ZNF519: variants seen among roughly 807,000 people sequenced by gnomAD.
The protein encoded by ZNF519 is zinc finger protein 519, also known as similar to Zinc finger protein 85 (Zinc finger protein HPF4) (HTF1).
ZNF519 carries 7 observed loss-of-function variants against 7.4 expected under a neutral mutation model. The observed-to-expected ratio is 0.94, with a 90% CI of 0.54 to 1.77. The LOEUF (loss-of-function observed/expected upper bound fraction) is 1.77, where lower values mean the gene tolerates loss of function less well. Among genes scored for constraint, ZNF519 ranks in the 40% most tolerant of loss-of-function variants. ZNF519 has a pLI of 0.00. For missense variants in ZNF519, 586 were observed against 623.1 expected (o/e 0.94, Z 0.63); for synonymous variants, 179 against 203.3 (o/e 0.88, Z 1.02).
chr18:14,083,258 G>A (rs1218165565), intron 3 of ZNF519, among the ~76,000 whole-genome samples: 1 of 152,158 alleles, frequency 6.6e-6, no homozygotes, highest in Non-Finnish European at 1.5e-5. Context: ...GCTGAGGCAC[G>A]AGAATTGCTT....
Position 14,105,721 on chromosome 18 carries a change from A to C in ZNF519, c.819T>G (p.Ala273=), listed in dbSNP as rs1185951550. The change falls in exon 3 of 3, where the codon GCT becomes GCG. Residue 273 remains alanine, a synonymous_variant. Transcript: ENST00000590202. ...KSVKYKERGK[A]FTRGLHLGHQ... ...GTCCAAGATGTAAGCCCCTGGTAAA[A>C]GCTTTGCCACGTTCTTTATATTTCA... is the stretch of plus-strand genomic sequence containing the variant. 6.2e-7 allele frequency: 1 copy of C among 1,613,910 alleles called. No homozygotes were observed. The highest frequency in any genetic ancestry group is 1.7e-5 in the Admixed American group (1 of 59,944).
At chr18:14,097,940 T>C (rs2046143841), downstream of ZNF519, among the ~76,000 whole-genome samples, 1 of 151,968 alleles carries the variant, frequency 6.6e-6, no homozygotes, top group Non-Finnish European at 1.5e-5. Flanking sequence ...ACACAATGAG[T>C]TTGTGGTCAA....
exon 4 of ZNF519, chr18:14,078,268 A>T (rs150530018): frequency 5.3e-5 from 8 of 152,348 alleles, no homozygotes; most frequent in Non-Finnish European, 8.8e-5. Context: ...GGGGTTGAGG[A>T]CTTCTGCACA....
At chr18:14,086,158 T>C (rs931225001) in intron 2 of ZNF519, among the ~76,000 whole-genome samples, 1 of 152,132 alleles carries the variant, frequency 6.6e-6, no homozygotes, top group Non-Finnish European at 1.5e-5. Context: ...TGCCTGGCAA[T>C]GCAGTGCTGG....
exon 5 of ZNF519, chr18:14,076,955 C>T (rs905635378): frequency 1.3e-5 from 2 of 151,960 alleles, no homozygotes; most frequent in South Asian, 2.1e-4. Flanking sequence ...TACTTCTGAA[C>T]AGAATAAGGT....
At chr18:14,116,797 A>G (rs1430992146) in intron 2 of ZNF519, among the ~76,000 whole-genome samples, 4 of 152,228 alleles carry the variant, frequency 2.6e-5, no homozygotes, top group African/African-American at 9.7e-5. Context: ...ACTTGAGGTC[A>G]GGAGTTCAAA....
chr18:14,095,492 C>T (rs922323087), downstream of ZNF519, among the ~76,000 whole-genome samples: 2 of 152,244 alleles, frequency 1.3e-5, no homozygotes, highest in African/African-American at 4.8e-5. Flanking sequence ...CAAGGCAGCA[C>T]AGAGACATCC....
At position 14,106,614 on chromosome 18, in the gene ZNF519, AAAAAAG is replaced by A. The variant is rs1043425901; in HGVS notation, c.131-211_131-206del. 3.3e-5 allele frequency among the ~76,000 whole-genome samples: 5 copies of A among 152,080 alleles called. No individual in the cohort carries two copies. In the East Asian group the frequency reaches 5.8e-4, roughly 18 times the overall value. ...GTCACCAATTTTACAATGATCTATT[AAAAAAG>A]AAAAAGAAAAAGAAAACCTTCATAA... On this transcript the variant is annotated intron_variant, in intron 2 of 2. Coordinates refer to ENST00000590202, the MANE Select transcript of ZNF519 (RefSeq NM_145287.4).
chr18:14,094,586 A>G (rs1165690900), intron 2 of ZNF519, among the ~76,000 whole-genome samples: 1 of 152,224 alleles, frequency 6.6e-6, no homozygotes, highest in Non-Finnish European at 1.5e-5. Flanking sequence ...ATGTTTATCA[A>G]CTTGCATATG....
At chr18:14,089,282 A>G (rs1170329850) in intron 2 of ZNF519, among the ~76,000 whole-genome samples, 1 of 152,226 alleles carries the variant, frequency 6.6e-6, no homozygotes, top group Non-Finnish European at 1.5e-5. Context: ...ACTAACTTGT[A>G]TGAGTCACCA....
At chr18:14,079,230 T>C (rs2046061011) in intron 3 of ZNF519, among the ~76,000 whole-genome samples, 2 of 152,262 alleles carry the variant, frequency 1.3e-5, no homozygotes, top group Admixed American at 1.3e-4. Context: ...AGACCTGTAG[T>C]CCAATAAATA....
chr18:14,105,943 A>G lies in ZNF519; in HGVS notation c.597T>C (p.Pro199=). The change falls in exon 3 of 3, where the codon CCT becomes CCC. Residue 199 remains proline (P), a synonymous_variant. Coordinates refer to ENST00000590202, the MANE Select transcript of ZNF519 (RefSeq NM_145287.4). ...VFYQSSKLIF[P]ENIHIQKKPY... is the part of the protein sequence containing the mutation. Reference sequence around the variant, plus strand: ...GCTTTTTTTGAATATGGATATTTTCAGGGAAAATAAGCTTTGAGGATTGGT... The same window carrying G: ...GCTTTTTTTGAATATGGATATTTTCGGGGAAAATAAGCTTTGAGGATTGGT... 1 of 1,606,462 alleles carries G rather than the reference A, an allele frequency of 6.2e-7. No homozygotes were observed. The highest frequency in any genetic ancestry group is 1.3e-5 in the African/African-American group (1 of 74,702).
chr18:14,079,867 C>T (rs2046063394), intron 3 of ZNF519, among the ~76,000 whole-genome samples: 3 of 152,072 alleles, frequency 2.0e-5, no homozygotes, highest in Admixed American at 6.6e-5. Context: ...GATACAGCAT[C>T]AATGATTTAA....
At chr18:14,128,048 G>A (rs2046309439) in intron 1 of ZNF519, among the ~76,000 whole-genome samples, 1 of 152,046 alleles carries the variant, frequency 6.6e-6, no homozygotes, top group African/African-American at 2.4e-5. Flanking sequence ...CCAGCACTCT[G>A]GGAGGCCGAG....
downstream of ZNF519, chr18:14,075,514 T>C (rs1048551312): frequency 6.6e-6 from 1 of 152,140 alleles, no homozygotes; most frequent in Non-Finnish European, 1.5e-5. Flanking sequence ...CTAATTATGA[T>C]TGAGAAAATG....
chr18:14,097,518 G>A (rs1598512459), downstream of ZNF519, among the ~76,000 whole-genome samples: 1 of 152,198 alleles, frequency 6.6e-6, no homozygotes, highest in Non-Finnish European at 1.5e-5. Context: ...ACCTGGCGTT[G>A]AAGGTGGCCT....
chr18:14,088,906 A>AT (rs35453335), intron 2 of ZNF519, among the ~76,000 whole-genome samples: 7,741 of 152,132 alleles, frequency 0.051, 212 homozygotes, highest in South Asian at 0.082. Flanking sequence ...AAATAGTTTG[A>AT]TTTTTTTAGG....
At chr18:14,114,307 CTT>C (rs1370473142) in intron 2 of ZNF519, among the ~76,000 whole-genome samples, 1 of 152,052 alleles carries the variant, frequency 6.6e-6, no homozygotes, top group Non-Finnish European at 1.5e-5. Context: ...TTTGATTTAA[CTT>C]TTTAATACAG....
Position 14,128,211 on chromosome 18 carries a change from T to C in ZNF519, c.4-3735A>G, listed in dbSNP as rs369758138. 1.1e-4 allele frequency among the ~76,000 whole-genome samples: 16 copies of C among 151,914 alleles called. No individual in the cohort carries two copies. In the East Asian group the frequency reaches 3.1e-3, roughly 29 times the overall value. ...GGGAGGCTGAGCCAGGAGAATGGCA[T>C]GAACCTGGGAGGCAGAGCTTGCAGT... On this transcript the variant is annotated intron_variant, in intron 1 of 2. Transcript: ENST00000590202.
Sources: allele counts gnomAD v4.1 joint callset (sites outside exome capture counted in the v4.1 genomes callset), GRCh38; gene constraint gnomAD v4.1.1; transcripts MANE v1.5; gene names NCBI Gene and HGNC (gene_info 2026-07-23, HGNC 2026-07-21).